The following VMP1 variants were observed in gnomAD, a reference collection of about 807,000 sequenced individuals.
The protein encoded by VMP1 is ectopic P-granules autophagy protein 3 homolog.
In VMP1, 11 loss-of-function variants were observed where a neutral mutation model predicts 56.0. That is an observed-to-expected ratio of 0.20 (90% CI 0.12 to 0.32). The LOEUF is 0.32. Among genes scored for constraint, VMP1 ranks in the 10% least tolerant of loss-of-function variants. The pLI, the probability that VMP1 is intolerant of heterozygous loss-of-function variation, is 1.00. For missense variants in VMP1, 296 were observed against 490.3 expected (o/e 0.60, Z 3.74); for synonymous variants, 149 against 165.0 (o/e 0.90, Z 0.74).
chr17:59,825,505 T>A (rs1017477977), intron 10 of VMP1, among the ~76,000 whole-genome samples: 2 of 152,196 alleles, frequency 1.3e-5, no homozygotes, highest in African/African-American at 4.8e-5. Flanking sequence ...TAAAATGACA[T>A]GTTCCCATAT....
chr17:59,766,429 A>T (rs141399904), intron 6 of VMP1, among the ~76,000 whole-genome samples: 2 of 152,234 alleles, frequency 1.3e-5, no homozygotes, highest in Non-Finnish European at 2.9e-5. Context: ...GCTTGAACCC[A>T]GGAAGTAGGG....
chr17:59,748,993 A>G (rs1376742124), intron 5 of VMP1, among the ~76,000 whole-genome samples: 1 of 149,800 alleles, frequency 6.7e-6, no homozygotes, highest in African/African-American at 2.5e-5. Context: ...GCTGGATCCC[A>G]GGCTGGAGTG....
chr17:59,840,006 C>G lies in VMP1; in HGVS notation c.*95C>G. On this transcript the variant is annotated 3_prime_UTR_variant, in exon 12 of 12. Coordinates refer to ENST00000262291, the MANE Select transcript of VMP1 (RefSeq NM_030938.5). ...CGGGAAGGAAAATTCCCTTTTCCAA[C>G]CTGTATCAATTTTTACAACTTTTTT... 1 of 1,510,776 alleles carries G rather than the reference C, an allele frequency of 6.6e-7. No individual in the cohort carries two copies. The highest frequency in any genetic ancestry group is 8.9e-7 in the Non-Finnish European group (1 of 1,118,650). The allele number at this position is 1,510,776 out of a possible 1,614,324, so 93.6% of individuals were successfully genotyped here. A position where few individuals can be genotyped will look rare whatever the true frequency, so the allele number is the denominator to read the frequency against.
At chr17:59,833,113 C>T (rs1438927224) in intron 10 of VMP1, among the ~76,000 whole-genome samples, 1 of 151,958 alleles carries the variant, frequency 6.6e-6, no homozygotes, top group East Asian at 1.9e-4. Flanking sequence ...TTACTCCCAC[C>T]GTGTGTGCAC....
chr17:59,822,848 C>T (rs2144282283), intron 10 of VMP1, among the ~76,000 whole-genome samples: 1 of 152,206 alleles, frequency 6.6e-6, no homozygotes, highest in Middle Eastern at 3.4e-3. Flanking sequence ...GAAACATTCT[C>T]CTTTAGATCA....
At chr17:59,832,364 C>T (rs2038838005) in intron 10 of VMP1, among the ~76,000 whole-genome samples, 1 of 151,326 alleles carries the variant, frequency 6.6e-6, no homozygotes, top group Non-Finnish European at 1.5e-5. Flanking sequence ...AGGATTTCGC[C>T]ATGTTGCCCA....
chr17:59,808,093 G>T (rs1281307781), intron 7 of VMP1, among the ~76,000 whole-genome samples: 1 of 152,154 alleles, frequency 6.6e-6, no homozygotes, highest in African/African-American at 2.4e-5. Flanking sequence ...TTTCAGCATG[G>T]GAGGAGGTAA....
intron 1 of VMP1, among the ~76,000 whole-genome samples, chr17:59,712,663 T>C (rs1349807265): frequency 6.6e-6 from 1 of 152,196 alleles, no homozygotes; most frequent in Non-Finnish European, 1.5e-5. Context: ...TATTTGAGGC[T>C]GGAGCATAAT....
rs2144371190 is a variant in VMP1, at chr17:59,841,883, A to T, written c.*1972A>T. 6.6e-6 allele frequency: 1 copy of T among 152,314 alleles called. No homozygotes were observed. The highest frequency in any genetic ancestry group is 1.9e-4 in the East Asian group (1 of 5,186). The allele number at this position is 152,314 out of a possible 1,614,324, so 9.4% of individuals were successfully genotyped here. A position where few individuals can be genotyped will look rare whatever the true frequency, so the allele number is the denominator to read the frequency against. On this transcript the variant is annotated 3_prime_UTR_variant, in exon 12 of 12. Coordinates refer to ENST00000262291, the MANE Select transcript of VMP1 (RefSeq NM_030938.5). ...TGTGGTGTATTATTAAATAGAAAAA[A>T]AAAATTTTGTTTCCTAGGTTGAAGG...
At chr17:59,720,212 C>G (rs1407401729) in intron 1 of VMP1, among the ~76,000 whole-genome samples, 3 of 152,182 alleles carry the variant, frequency 2.0e-5, no homozygotes, top group Non-Finnish European at 4.4e-5. Flanking sequence ...TGTATCATCA[C>G]AGATTTCAAA....
In VMP1 at chr17:59,710,168, G is replaced by T. The variant is rs191562832; in HGVS notation, c.-27+2420G>T. ...GCCGAGATTGCGCCACTGCACTCCA[G>T]CCTGGGAGACAGAGCCAGACTCCGT... is the stretch of plus-strand genomic sequence containing the variant. On this transcript the variant is annotated intron_variant, in intron 1 of 11. Coordinates refer to ENST00000262291, the MANE Select transcript of VMP1 (RefSeq NM_030938.5). Among the ~76,000 whole-genome samples, 1,400 of 152,188 alleles carry T rather than the reference G, an allele frequency of 9.2e-3. 15 individuals are homozygous for T. The highest frequency in any genetic ancestry group is 0.016 in the South Asian group (76 of 4,828).
intron 1 of VMP1, among the ~76,000 whole-genome samples, chr17:59,727,280 G>A (rs985224261): frequency 1.3e-4 from 19 of 151,800 alleles, no homozygotes; most frequent in Non-Finnish European, 2.5e-4. Context: ...GACTATAGGC[G>A]CCCGCCACCA....
intron 7 of VMP1, among the ~76,000 whole-genome samples, chr17:59,807,832 CA>C (rs543862899): frequency 0.012 from 1,037 of 85,652 alleles, 6 homozygotes; most frequent in African/African-American, 0.026. Flanking sequence ...AACTCCGTCT[CA>C]AAAAAAAAAA....
intron 7 of VMP1, among the ~76,000 whole-genome samples, chr17:59,785,912 A>G (rs937664774): frequency 6.6e-6 from 1 of 152,076 alleles, no homozygotes; most frequent in Non-Finnish European, 1.5e-5. Context: ...TTAATAATCA[A>G]TAATTGCTAC....
In VMP1 at chr17:59,728,590, C is replaced by T. The variant is rs748176007; in HGVS notation, c.-26-2831C>T. Reference sequence around the variant, plus strand: ...GTAGTGGCTCATGCCTGGAATCCCACCACTTTGGGAAGCTGGGGCAGGAGG... The same window carrying T: ...GTAGTGGCTCATGCCTGGAATCCCATCACTTTGGGAAGCTGGGGCAGGAGG... On this transcript the variant is annotated intron_variant, in intron 1 of 11. Transcript: ENST00000262291. Among the ~76,000 whole-genome samples, 83 of 152,038 alleles carry T rather than the reference C, an allele frequency of 5.5e-4. 1 individual carries two copies. The highest frequency in any genetic ancestry group is 4.4e-4 in the Non-Finnish European group (30 of 68,012).
chr17:59,820,940 G>A (rs942603589), intron 10 of VMP1, among the ~76,000 whole-genome samples: 6 of 151,374 alleles, frequency 4.0e-5, no homozygotes, highest in Non-Finnish European at 5.9e-5. Context: ...ATGTGGTTAA[G>A]TCAGAATATC....
chr17:59,805,277 C>T (rs1333246608), intron 7 of VMP1, among the ~76,000 whole-genome samples: 1 of 152,140 alleles, frequency 6.6e-6, no homozygotes, highest in East Asian at 1.9e-4. Context: ...GCCTAATTGC[C>T]GTTAAGCAAA....
intron 1 of VMP1, among the ~76,000 whole-genome samples, chr17:59,729,349 G>T (rs1474217635): frequency 6.6e-6 from 1 of 151,960 alleles, no homozygotes; most frequent in Non-Finnish European, 1.5e-5. Flanking sequence ...CAGGCATGGT[G>T]GCGGGCACCT....
At chr17:59,760,872 G>A (rs1253841924) in intron 5 of VMP1, among the ~76,000 whole-genome samples, 5 of 152,046 alleles carry the variant, frequency 3.3e-5, no homozygotes, top group African/African-American at 4.8e-5. Context: ...ACCCACCTTG[G>A]CCTCCCAAAG....
Sources: allele counts gnomAD v4.1 joint callset (sites outside exome capture counted in the v4.1 genomes callset), GRCh38; gene constraint gnomAD v4.1.1; transcripts MANE v1.5; gene names NCBI Gene and HGNC (gene_info 2026-07-23, HGNC 2026-07-21).